The following CERCAM variants were observed in gnomAD, a reference collection of about 807,000 sequenced individuals.
CERCAM encodes inactive glycosyltransferase 25 family member 3.
CERCAM carries 59 observed loss-of-function variants against 66.0 expected under a neutral mutation model. The ratio of observed to expected loss-of-function variants is 0.89; its 90% CI spans 0.73 to 1.11. The LOEUF is 1.11. Ranked by LOEUF, CERCAM falls within the 50% of genes most tolerant of loss-of-function variation. The pLI is 0.00. For synonymous variants in CERCAM, 318 were observed against 343.6 expected (o/e 0.93, Z 0.83); for missense variants, 840 against 828.3 (o/e 1.01, Z -0.17).
At chr9:128,423,617 C>CA (rs751848613) in intron 3 of CERCAM, among the ~76,000 whole-genome samples, 1,900 of 81,676 alleles carry the variant, frequency 0.023, 44 homozygotes, top group African/African-American at 0.065. Flanking sequence ...AACTCAGTCT[C>CA]AAAAAAAAAA....
chr9:128,435,019 G>A (rs1057459708), intron 11 of CERCAM, among the ~76,000 whole-genome samples: 1 of 148,036 alleles, frequency 6.8e-6, no homozygotes, highest in Non-Finnish European at 1.5e-5. Context: ...TTTTTGAGAT[G>A]GAGTTTTGCA....
chr9:128,437,346 AATATATATATGTATGTATATATATGT>A (rs1192543263), exon 13 of CERCAM: 1 of 127,156 alleles, frequency 7.9e-6, no homozygotes, highest in Non-Finnish European at 1.6e-5. Context: ...TTGCACTTTA[AATATATATATGTATGTATATATATGT>A]ATATATATAT....
chr9:128,430,275 G>A (rs963817183), intron 8 of CERCAM, among the ~76,000 whole-genome samples: 1 of 152,190 alleles, frequency 6.6e-6, no homozygotes, highest in Non-Finnish European at 1.5e-5. Flanking sequence ...GGTAGTGGGT[G>A]CCTGTAATCT....
At chr9:128,420,576 A>T (rs571032265), upstream of CERCAM, 3 of 182,954 alleles carry the variant, frequency 1.6e-5, no homozygotes, top group African/African-American at 7.1e-5. This position sits in a 1 kb window ranked among gnomAD's most constrained non-coding sequence, Gnocchi z 5.0. Flanking sequence ...TCGTCCTAGC[A>T]CCCCTCCCCT....
At chr9:128,423,729 C>T (rs1833770014) in intron 3 of CERCAM, among the ~76,000 whole-genome samples, 1 of 152,150 alleles carries the variant, frequency 6.6e-6, no homozygotes, top group South Asian at 2.1e-4. Context: ...AGATTGGATC[C>T]CTATGTTAAA....
upstream of CERCAM, chr9:128,420,829 G>T (rs939480899): frequency 4.1e-6 from 4 of 984,326 alleles, no homozygotes; most frequent in African/African-American, 5.2e-5. The surrounding 1 kb of genome is among the most constrained non-coding windows in gnomAD (Gnocchi z 5.0). Context: ...CCCTCCCCTC[G>T]GCCGGCCCGA....
intron 5 of CERCAM, among the ~76,000 whole-genome samples, chr9:128,425,496 A>C (rs1329552673): frequency 6.7e-6 from 1 of 149,558 alleles, no homozygotes; most frequent in African/African-American, 2.5e-5. Flanking sequence ...ACATAGCAAG[A>C]CCTCATCTCT....
intron 9 of CERCAM, among the ~76,000 whole-genome samples, chr9:128,433,046 G>A (rs998417039): frequency 2.6e-5 from 4 of 152,132 alleles, no homozygotes; most frequent in African/African-American, 9.7e-5. Context: ...TTGGGAGGCC[G>A]AGGCGGGTGG....
In CERCAM at chr9:128,434,591, A is replaced by C. The variant is rs763319252; in HGVS notation, c.1513A>C (p.Ile505Leu). 35 of 1,608,934 alleles carry C rather than the reference A, an allele frequency of 2.2e-5. No individual in the cohort carries two copies. The highest frequency in any genetic ancestry group is 4.0e-5 in the African/African-American group (3 of 74,488). Reference sequence around the variant, plus strand: ...GCTGCCCGTGGACGAGTTCCTGCCCATCATGTTCGACCAGCACCCCAAGTG... The same window carrying C: ...GCTGCCCGTGGACGAGTTCCTGCCCCTCATGTTCGACCAGCACCCCAAGTG... The part of the protein sequence containing the change: ...RMLPVDEFLP[I>L]MFDQHPNEQY... Residue 505 changes from isoleucine to leucine, a missense_variant, in exon 11 of 13, where the codon ATC becomes CTC. By Grantham distance (5) the Ile-to-Leu change is conservative (BLOSUM62 2). Transcript: ENST00000372838. The surrounding 1 kb of genome is among the most constrained non-coding windows in gnomAD (Gnocchi z 4.5).
chr9:128,431,208 G>C lies in CERCAM; in HGVS notation c.1108G>C (p.Asp370His), dbSNP rs1348423532. The change falls in exon 9 of 13, where the codon GAC becomes CAC. Residue 370 changes from aspartate (D) to histidine (H), a missense_variant. Physicochemically the swap from Asp to His is moderately conservative, Grantham distance 81. Coordinates refer to ENST00000372838, the MANE Select transcript of CERCAM (RefSeq NM_016174.5). ...CAGTGCCATCAGGAACCTCGGCGTA[G>C]ACCTGCTCCCGGGCTACCAGGACCC... ...NSSAIRNLGV[D>H]LLPGYQDPYS... The C allele has an allele frequency of 6.2e-7, 1 of 1,614,046 alleles. No individual in the cohort carries two copies. The highest frequency in any genetic ancestry group is 8.5e-7 in the Non-Finnish European group (1 of 1,180,026).
At chr9:128,429,288 C>T (rs759967679) in intron 8 of CERCAM, among the ~76,000 whole-genome samples, 23 of 152,294 alleles carry the variant, frequency 1.5e-4, no homozygotes, top group Middle Eastern at 3.4e-3. Context: ...TCCAGCTCTA[C>T]CAGTTACTGA....
In CERCAM at chr9:128,424,545, C is replaced by T. The variant is rs774630242; in HGVS notation, c.697C>T (p.Pro233Ser). ...AEGADQLAFY[P>S]PHPNYTWPFD... The stretch of plus-strand genomic sequence containing the variant: ...AGGGGCAGACCAGCTTGCTTTCTAC[C>T]CGCCACATCCCAACTACACTTGGCC... The change falls in exon 5 of 13, where the codon CCG becomes TCG. Residue 233 changes from proline (P) to serine (S), a missense_variant. Coordinates refer to ENST00000372838, the MANE Select transcript of CERCAM (RefSeq NM_016174.5). 1.9e-6 allele frequency: 3 copies of T among 1,614,082 alleles called. No homozygotes were observed. The highest frequency in any genetic ancestry group is 2.5e-6 in the Non-Finnish European group (3 of 1,180,048).
chr9:128,433,001 C>T (rs1454652370), intron 9 of CERCAM, among the ~76,000 whole-genome samples: 6 of 151,990 alleles, frequency 3.9e-5, no homozygotes, highest in Admixed American at 2.0e-4. Context: ...CGGCGTTGGC[C>T]GGGCGCCGTG....
intron 9 of CERCAM, among the ~76,000 whole-genome samples, chr9:128,433,278 CAAAAAAAA>C (rs758064235): frequency 7.1e-5 from 5 of 70,642 alleles, no homozygotes; most frequent in Non-Finnish European, 1.2e-4. Flanking sequence ...AACTCCGTCT[CAAAAAAAA>C]AAAAAAAAAA....
At chr9:128,424,351 G>C (rs1025587320) in intron 4 of CERCAM, 59 bp from the exon 5 acceptor site, 3 of 1,612,362 alleles carry the variant, frequency 1.9e-6, no homozygotes. Context: ...TGAGGCCTTG[G>C]GGTCTGTGGG....
chr9:128,436,587 C>T (rs1252408242), intron 12 of CERCAM, among the ~76,000 whole-genome samples: 1 of 151,986 alleles, frequency 6.6e-6, no homozygotes, highest in Non-Finnish European at 1.5e-5. Context: ...ATCATGTTGG[C>T]CAGGCTGGTT....
At chr9:128,421,571 C>A in intron 1 of CERCAM, 2 of 967,020 alleles carry the variant, frequency 2.1e-6, no homozygotes, top group Non-Finnish European at 2.5e-6. Flanking sequence ...CCGGCCCCCC[C>A]ACCGCCCCCG....
Position 128,434,266 on chromosome 9 carries a change from G to T in CERCAM, c.1331+37G>T, listed in dbSNP as rs1164638208. 6.2e-7 allele frequency: 1 copy of T among 1,612,346 alleles called. No homozygotes were observed. The highest frequency in any genetic ancestry group is 8.5e-7 in the Non-Finnish European group (1 of 1,178,958). ...GCACCCTCAGGGACAAGGGGGCAGG[G>T]TGGGCCTCCGGAGTCTGCCTTTTCC... On this transcript the variant is annotated intron_variant, in intron 10 of 12. Coordinates refer to ENST00000372838, the MANE Select transcript of CERCAM (RefSeq NM_016174.5). The surrounding 1 kb of genome is among the most constrained non-coding windows in gnomAD (Gnocchi z 4.5).
intron 1 of CERCAM, 39 bp downstream of exon 1, chr9:128,421,113 C>T (rs1005264800): frequency 2.4e-6 from 3 of 1,267,462 alleles, no homozygotes; most frequent in East Asian, 3.1e-5. Flanking sequence ...GGGCACCTAA[C>T]CCCCAGCTTC....
Sources: gnomAD v4.1 joint callset for allele counts (sites outside exome capture counted in the v4.1 genomes callset) on GRCh38, gnomAD v4.1.1 for gene constraint, Gnocchi (gnomAD v3.1) non-coding constraint, MANE v1.5 for transcripts, NCBI Gene and HGNC (gene_info 2026-07-23, HGNC 2026-07-21) for gene names.